MIR2052HG: variants seen among roughly 807,000 people sequenced by gnomAD.
MIR2052HG encodes MIR2052 host gene.
At chr8:74,618,466 C>A (rs189003022) in intron 2 of MIR2052HG, among the ~76,000 whole-genome samples, 1 of 151,940 alleles carries the variant, frequency 6.6e-6, no homozygotes, top group Non-Finnish European at 1.5e-5. Context: ...TAATGAGAGC[C>A]GGAAGGGAGG....
Position 74,634,429 on chromosome 8 carries a change from G to A in MIR2052HG, n.216+21489G>A, listed in dbSNP as rs140928471. The stretch of plus-strand genomic sequence containing the variant: ...TGTAGTATTTGACAGATTATAACCC[G>A]TCACCTGTATCTTTACTTATAAGCT... On this transcript the variant is annotated intron_variant and non_coding_transcript_variant, in intron 2 of 6. Coordinates refer to ENST00000523442, the Ensembl canonical transcript of MIR2052HG. 1.5e-3 allele frequency among the ~76,000 whole-genome samples: 226 copies of A among 152,182 alleles called. 2 individuals are homozygous for A. In the East Asian group the frequency reaches 0.033, roughly 22 times the overall value.
intron 2 of MIR2052HG, among the ~76,000 whole-genome samples, chr8:74,651,795 C>T (rs1435591597): frequency 6.6e-6 from 1 of 152,140 alleles, no homozygotes. Context: ...GGGTCTGAGT[C>T]TGGTCACTCT....
At chr8:74,639,911 C>T (rs921066483) in intron 2 of MIR2052HG, among the ~76,000 whole-genome samples, 2 of 152,106 alleles carry the variant, frequency 1.3e-5, no homozygotes, top group African/African-American at 4.8e-5. Flanking sequence ...CATCGTTACA[C>T]ACTGGTATTC....
chr8:74,612,387 T>G (rs1290944959), intron 1 of MIR2052HG: 2 of 159,852 alleles, frequency 1.3e-5, no homozygotes, highest in African/African-American at 2.4e-5. Context: ...TGTCTGTAGC[T>G]CCACCATTTC....
intron 4 of MIR2052HG, among the ~76,000 whole-genome samples, chr8:74,734,980 T>C (rs1359816223): frequency 1.3e-5 from 2 of 152,208 alleles, no homozygotes; most frequent in African/African-American, 4.8e-5. Context: ...TATCTGTCAG[T>C]GGCCTGGACA....
At chr8:74,722,296 G>T (rs994659715) in intron 4 of MIR2052HG, among the ~76,000 whole-genome samples, 6 of 152,124 alleles carry the variant, frequency 3.9e-5, no homozygotes, top group African/African-American at 9.7e-5. Flanking sequence ...TTAAGTAATT[G>T]TTCCTAAAAT....
At chr8:74,616,819 A>T (rs1444319159) in intron 2 of MIR2052HG, among the ~76,000 whole-genome samples, 1 of 152,080 alleles carries the variant, frequency 6.6e-6, no homozygotes, top group Non-Finnish European at 1.5e-5. Flanking sequence ...TTTACTCTTG[A>T]TCTGACTTCT....
intron 2 of MIR2052HG, among the ~76,000 whole-genome samples, chr8:74,676,866 G>A (rs79864257): frequency 0.03 from 4,566 of 151,988 alleles, 209 homozygotes; most frequent in African/African-American, 0.1. Context: ...CTGGATTGTG[G>A]TAATCATTTC....
intron 2 of MIR2052HG, among the ~76,000 whole-genome samples, chr8:74,633,001 T>G (rs536997467): frequency 3.9e-5 from 6 of 152,044 alleles, no homozygotes; most frequent in Non-Finnish European, 7.4e-5. Context: ...ATATGATATA[T>G]CCTACTCTTT....
chr8:74,668,888 T>A (rs755208297), intron 2 of MIR2052HG, among the ~76,000 whole-genome samples: 4 of 152,176 alleles, frequency 2.6e-5, no homozygotes, highest in Non-Finnish European at 4.4e-5. Context: ...AGCTTCTCTG[T>A]TGGTCTTGAA....
At chr8:74,644,451 T>C (rs1157737911) in intron 2 of MIR2052HG, among the ~76,000 whole-genome samples, 1 of 152,160 alleles carries the variant, frequency 6.6e-6, no homozygotes, top group Non-Finnish European at 1.5e-5. Context: ...TTACACCATC[T>C]AGGTTTGTGG....
At chr8:74,634,413 T>C (rs916496335) in intron 2 of MIR2052HG, among the ~76,000 whole-genome samples, 5 of 152,220 alleles carry the variant, frequency 3.3e-5, no homozygotes, top group African/African-American at 1.2e-4. Flanking sequence ...ATGTAGTATT[T>C]GACAGATTAT....
intron 2 of MIR2052HG, among the ~76,000 whole-genome samples, chr8:74,642,007 G>A (rs1370776819): frequency 6.6e-6 from 1 of 152,080 alleles, no homozygotes; most frequent in African/African-American, 2.4e-5. Context: ...AGTGGTGGTG[G>A]TGTGGGTGAC....
intron 2 of MIR2052HG, among the ~76,000 whole-genome samples, chr8:74,691,398 A>T (rs927759519): frequency 1.3e-5 from 2 of 152,202 alleles, no homozygotes; most frequent in Non-Finnish European, 2.9e-5. Flanking sequence ...CTCTTGAGCT[A>T]GGAAGACCTT....
chr8:74,731,326 C>T (rs545490044), intron 4 of MIR2052HG, among the ~76,000 whole-genome samples: 2 of 152,334 alleles, frequency 1.3e-5, no homozygotes, highest in Admixed American at 6.5e-5. Flanking sequence ...CATTGGGCCT[C>T]TTCTGTCTTG....
rs919732442 is a variant in MIR2052HG, at chr8:74,675,659, T to C, written n.217-26720T>C. Reference sequence around the variant, plus strand: ...AAGTGGGGTCATTAGAAAAGACCTTTCTGAAGAATGACAGTTAAGGTATCT... The same window carrying C: ...AAGTGGGGTCATTAGAAAAGACCTTCCTGAAGAATGACAGTTAAGGTATCT... On this transcript the variant is annotated intron_variant and non_coding_transcript_variant, in intron 2 of 6. Transcript: ENST00000523442. Among the ~76,000 whole-genome samples, 10 of 152,022 alleles carry C rather than the reference T, an allele frequency of 6.6e-5. 1 individual carries two copies. Among genetic ancestry groups the C allele is most frequent in the Admixed American group, 5.9e-4 (9 of 15,250 alleles).
intron 2 of MIR2052HG, among the ~76,000 whole-genome samples, chr8:74,693,085 C>T (rs567184203): frequency 2.0e-5 from 3 of 152,190 alleles, no homozygotes; most frequent in Non-Finnish European, 4.4e-5. Context: ...TGGTATGTGG[C>T]GTCAGAAAAC....
chr8:74,710,198 A>C (rs1809453804), intron 4 of MIR2052HG, among the ~76,000 whole-genome samples: 1 of 152,198 alleles, frequency 6.6e-6, no homozygotes, highest in Admixed American at 6.5e-5. Flanking sequence ...GGAAAGAAGG[A>C]GTAAGCAGGC....
At chr8:74,613,819 A>T (rs1808237299) in intron 2 of MIR2052HG, among the ~76,000 whole-genome samples, 2 of 152,068 alleles carry the variant, frequency 1.3e-5, no homozygotes, top group Non-Finnish European at 2.9e-5. Flanking sequence ...CATTATCAGG[A>T]TTTGTTGATC....
Sources: gnomAD v4.1 joint callset for allele counts (sites outside exome capture counted in the v4.1 genomes callset) on GRCh38, gnomAD v4.1.1 for gene constraint, MANE v1.5 for transcripts, NCBI Gene and HGNC (gene_info 2026-07-23, HGNC 2026-07-21) for gene names.